Variants in IQCM observed in about 807,000 individuals in gnomAD.
IQCM encodes IQ motif containing M, also known as IQ domain-containing protein M.
A neutral mutation model predicts 57.6 loss-of-function variants in IQCM; 45 were observed. The ratio of observed to expected loss-of-function variants is 0.78; its 90% CI spans 0.62 to 1.00. The LOEUF is 1.00. IQCM is among the 50% of genes least tolerant of loss of function. The pLI, the probability that IQCM is intolerant of heterozygous loss-of-function variation, is 0.00. For missense variants in IQCM, 468 were observed against 511.6 expected (o/e 0.91, Z 0.82); for synonymous variants, 148 against 158.9 (o/e 0.93, Z 0.51).
chr4:149,613,483 C>T (rs966801242), intron 8 of IQCM, among the ~76,000 whole-genome samples: 8 of 151,846 alleles, frequency 5.3e-5, no homozygotes, highest in Middle Eastern at 3.2e-3. Flanking sequence ...TGAAAAATTT[C>T]GTATATTAAA....
intron 10 of IQCM, among the ~76,000 whole-genome samples, chr4:149,557,456 T>A (rs556507943): frequency 1.5e-4 from 23 of 152,258 alleles, no homozygotes; most frequent in African/African-American, 5.5e-4. Context: ...ATGCTACTAC[T>A]CCAATTCTTG....
At chr4:149,450,811 A>G (rs916900474) in intron 12 of IQCM, among the ~76,000 whole-genome samples, 6 of 151,852 alleles carry the variant, frequency 4.0e-5, no homozygotes, top group African/African-American at 1.4e-4. Flanking sequence ...AAGTTCCTCA[A>G]AAAAACTAAA....
intron 5 of IQCM, among the ~76,000 whole-genome samples, chr4:149,692,034 G>T (rs1354098974): frequency 6.6e-6 from 1 of 152,064 alleles, no homozygotes; most frequent in East Asian, 1.9e-4. Flanking sequence ...AATTATCCAT[G>T]TGCTCCCCTA....
intron 12 of IQCM, among the ~76,000 whole-genome samples, chr4:149,485,343 A>G (rs984445424): frequency 1.3e-5 from 2 of 151,916 alleles, no homozygotes; most frequent in Non-Finnish European, 2.9e-5. Context: ...AATAATTCTT[A>G]TATTTGTCCT....
intron 11 of IQCM, among the ~76,000 whole-genome samples, chr4:149,549,884 T>A (rs956896511): frequency 9.2e-5 from 14 of 152,186 alleles, no homozygotes; most frequent in African/African-American, 3.4e-4. Flanking sequence ...TATTTAGTGA[T>A]TGTCTAAATA....
At chr4:149,808,799 A>T (rs1774307049) in intron 2 of IQCM, among the ~76,000 whole-genome samples, 1 of 152,170 alleles carries the variant, frequency 6.6e-6, no homozygotes, top group South Asian at 2.1e-4. Flanking sequence ...ATCAGAATGT[A>T]ATGAAATTTA....
chr4:149,481,532 T>C (rs1214998951), intron 12 of IQCM, among the ~76,000 whole-genome samples: 1 of 151,944 alleles, frequency 6.6e-6, no homozygotes, highest in Non-Finnish European at 1.5e-5. Context: ...CCAGTGTATG[T>C]TCTTGGCTTG....
intron 5 of IQCM, among the ~76,000 whole-genome samples, chr4:149,732,150 C>T (rs1248757152): frequency 1.3e-5 from 2 of 152,164 alleles, no homozygotes; most frequent in Non-Finnish European, 2.9e-5. Flanking sequence ...TTGAAATCAT[C>T]ATGTCTTTCC....
At chr4:149,413,235 T>C (rs1326574570) in intron 13 of IQCM, among the ~76,000 whole-genome samples, 1 of 152,190 alleles carries the variant, frequency 6.6e-6, no homozygotes, top group African/African-American at 2.4e-5. Context: ...GCAATGACAA[T>C]ACAGAAGATG....
intron 7 of IQCM, among the ~76,000 whole-genome samples, chr4:149,639,841 A>AT (rs1262686405): frequency 6.6e-6 from 1 of 152,136 alleles, no homozygotes; most frequent in Non-Finnish European, 1.5e-5. Flanking sequence ...AAGTGGGAGG[A>AT]TCCCTCGAGA....
chr4:149,678,715 A>G (rs1262794497), intron 7 of IQCM, among the ~76,000 whole-genome samples: 1 of 151,720 alleles, frequency 6.6e-6, no homozygotes, highest in East Asian at 1.9e-4. Context: ...AGCAACAACA[A>G]TAATAGCTAG....
chr4:149,644,140 C>T (rs925241781), intron 7 of IQCM, among the ~76,000 whole-genome samples: 4 of 152,128 alleles, frequency 2.6e-5, no homozygotes, highest in Admixed American at 2.0e-4. Context: ...AATAGATGCT[C>T]AGCATCTCCT....
chr4:149,718,176 C>T (rs1170412183), intron 5 of IQCM, among the ~76,000 whole-genome samples: 1 of 152,186 alleles, frequency 6.6e-6, no homozygotes, highest in African/African-American at 2.4e-5. Flanking sequence ...TAATCAACTT[C>T]CACCATAATA....
intron 2 of IQCM, among the ~76,000 whole-genome samples, chr4:149,808,487 A>G (rs761404497): frequency 2.6e-4 from 39 of 152,192 alleles, no homozygotes; most frequent in Admixed American, 1.3e-3. Context: ...AGTGCAGTAA[A>G]GAAATTATAG....
intron 13 of IQCM, among the ~76,000 whole-genome samples, chr4:149,357,066 G>T (rs2110889809): frequency 6.6e-6 from 1 of 152,280 alleles, no homozygotes; most frequent in African/African-American, 2.4e-5. Context: ...TGGTGTAAAA[G>T]AATGCTTGTG....
intron 12 of IQCM, among the ~76,000 whole-genome samples, chr4:149,500,478 C>T (rs1743125755): frequency 6.6e-6 from 1 of 152,136 alleles, no homozygotes; most frequent in Non-Finnish European, 1.5e-5. Context: ...ACCCAGATTA[C>T]TGAAATAGAG....
intron 12 of IQCM, among the ~76,000 whole-genome samples, chr4:149,542,626 T>A (rs1747966400): frequency 6.6e-6 from 1 of 152,112 alleles, no homozygotes. Context: ...AGGGATGATA[T>A]GGGTAGAAAC....
chr4:149,800,131 T>C (rs536468820), intron 2 of IQCM, among the ~76,000 whole-genome samples: 4 of 151,906 alleles, frequency 2.6e-5, no homozygotes, highest in South Asian at 4.2e-4. Context: ...AGCAATACTT[T>C]AAAAAGATCA....
In IQCM at chr4:149,812,464, T is replaced by C. The variant is rs1003830312; in HGVS notation, c.-49+2847A>G. Among the ~76,000 whole-genome samples the C allele has an allele frequency of 2.2e-5, 3 of 136,234 alleles. No individual in the cohort carries two copies. The East Asian group carries it at 7.5e-4, about 34-fold the overall frequency. 89.4% of individuals were successfully genotyped at this position (136,234 alleles called of 152,430 possible). A position where few individuals can be genotyped will look rare whatever the true frequency, so the allele number is the denominator to read the frequency against. On this transcript the variant is annotated intron_variant, in intron 2 of 13. Coordinates refer to ENST00000636793, the MANE Select transcript of IQCM (RefSeq NM_001363507.2). The stretch of plus-strand genomic sequence containing the variant: ...ATCCATTCTACCTTCTAGATCTCTC[T>C]CTCTCTCTCTCTCTCTCACACACAC...
Sources: allele counts gnomAD v4.1 joint callset (sites outside exome capture counted in the v4.1 genomes callset), GRCh38; gene constraint gnomAD v4.1.1; transcripts MANE v1.5; gene names NCBI Gene and HGNC (gene_info 2026-07-23, HGNC 2026-07-21).